SRD5A3: variants seen among roughly 807,000 people sequenced by gnomAD.
SRD5A3 encodes the protein steroid 5 alpha-reductase 3.
A neutral mutation model predicts 34.3 loss-of-function variants in SRD5A3; 24 were observed. That is an observed-to-expected ratio of 0.70 (90% CI 0.51 to 0.99). The LOEUF (loss-of-function observed/expected upper bound fraction) is 0.99, where lower values mean the gene tolerates loss of function less well. Among genes scored for constraint, SRD5A3 ranks in the 50% least tolerant of loss-of-function variants. The pLI, the probability that SRD5A3 is intolerant of heterozygous loss-of-function variation, is 0.00. For synonymous variants in SRD5A3, 161 were observed against 167.3 expected (o/e 0.96, Z 0.29); for missense variants, 350 against 388.2 (o/e 0.90, Z 0.83).
rs3034886 is a variant in SRD5A3 at position 55,370,431 on chromosome 4, TCACACACACA to T, written c.*373_*382del. On this transcript the variant is annotated 3_prime_UTR_variant, in exon 5 of 5. Coordinates refer to ENST00000264228, the MANE Select transcript of SRD5A3 (RefSeq NM_024592.5). ...AAAAACCGAAAATATACAAACAGCT[TCACACACACA>T]CACACACACACACACACACACACAC... 8.5e-3 allele frequency: 1,925 copies of T among 225,584 alleles called. 11 individuals are homozygous for T. The highest frequency in any genetic ancestry group is 0.013 in the Middle Eastern group (7 of 546). 14.0% of individuals were successfully genotyped at this position (225,584 alleles called of 1,614,324 possible). A position where few individuals can be genotyped will look rare whatever the true frequency, so the allele number is the denominator to read the frequency against.
intron 3 of SRD5A3, among the ~76,000 whole-genome samples, chr4:55,366,376 G>A (rs1426877860): frequency 6.6e-6 from 1 of 152,032 alleles, no homozygotes; most frequent in African/African-American, 2.4e-5. Context: ...ACAGGTTCTC[G>A]CTATGTTGGC....
chr4:55,352,480 G>A (rs1719234418), intron 1 of SRD5A3: 3 of 637,066 alleles, frequency 4.7e-6, no homozygotes, highest in Non-Finnish European at 8.7e-6. Context: ...TGCCGAAGGG[G>A]TCCATGATGG....
intron 3 of SRD5A3, 133 bp from the exon 4 acceptor site, chr4:55,367,455 A>G: frequency 9.4e-7 from 1 of 1,059,526 alleles, no homozygotes; most frequent in Non-Finnish European, 1.4e-6. Context: ...CCCTCTTTGT[A>G]CTTGGGAAAT....
At chr4:55,348,912 G>A (rs1354516005) in intron 1 of SRD5A3, among the ~76,000 whole-genome samples, 2 of 152,156 alleles carry the variant, frequency 1.3e-5, no homozygotes, top group Non-Finnish European at 2.9e-5. Context: ...AAGTGAGAAT[G>A]GATTTATCCC....
At chr4:55,368,338 C>A (rs1719982918) in intron 4 of SRD5A3, among the ~76,000 whole-genome samples, 1 of 149,784 alleles carries the variant, frequency 6.7e-6, no homozygotes, top group African/African-American at 2.5e-5. Context: ...GAGATCACGC[C>A]ACTGCGCTCC....
At chr4:55,347,371 G>T (rs1304745334) in intron 1 of SRD5A3, among the ~76,000 whole-genome samples, 1 of 152,232 alleles carries the variant, frequency 6.6e-6, no homozygotes, top group Non-Finnish European at 1.5e-5. Flanking sequence ...GCTCACGCCT[G>T]TAATCCCAGC....
At chr4:55,358,373 G>C (rs144395241) in intron 1 of SRD5A3, among the ~76,000 whole-genome samples, 1 of 151,818 alleles carries the variant, frequency 6.6e-6, no homozygotes, top group Non-Finnish European at 1.5e-5. Flanking sequence ...TCTATAAAAA[G>C]TTTAAGAATT....
chr4:55,350,517 A>ATCAT (rs1403576298), intron 1 of SRD5A3, among the ~76,000 whole-genome samples: 3 of 152,124 alleles, frequency 2.0e-5, no homozygotes, highest in African/African-American at 7.2e-5. Context: ...TTGACAGTTT[A>ATCAT]TCATTGTATA....
chr4:55,351,668 A>AT (rs1560365820), intron 1 of SRD5A3: 2 of 266,876 alleles, frequency 7.5e-6, no homozygotes, highest in Non-Finnish European at 1.5e-5. Context: ...AAAAAAAAAA[A>AT]GGGGTGAGCA....
intron 1 of SRD5A3, among the ~76,000 whole-genome samples, chr4:55,347,816 T>G (rs534525774): frequency 1.3e-5 from 2 of 152,186 alleles, no homozygotes; most frequent in East Asian, 3.9e-4. Context: ...GAGAACTAGG[T>G]CATTCTGAGG....
At position 55,372,437 on chromosome 4, in the gene SRD5A3, TC is replaced by T. The variant is rs1353269809; in HGVS notation, c.*2347del. ...TCCCTTTTCCTTCTTTGCCCAAACA[TC>T]ATATTTCTAGGCAAAGATAAGAGAG... On this transcript the variant is annotated 3_prime_UTR_variant, in exon 5 of 5. Transcript: ENST00000264228. 2 of 152,174 alleles carry T rather than the reference TC, an allele frequency of 1.3e-5. No individual in the cohort carries two copies. The highest frequency in any genetic ancestry group is 4.8e-5 in the African/African-American group (2 of 41,442). 9.4% of individuals were successfully genotyped at this position (152,174 alleles called of 1,614,324 possible). A position where few individuals can be genotyped will look rare whatever the true frequency, so the allele number is the denominator to read the frequency against.
chr4:55,361,482 CAAAAAAA>C (rs59113946), intron 2 of SRD5A3, among the ~76,000 whole-genome samples: 1 of 102,034 alleles, frequency 9.8e-6, no homozygotes, highest in Non-Finnish European at 2.0e-5. Flanking sequence ...GACTCCGTCT[CAAAAAAA>C]AAAAAAAAAA....
In SRD5A3 at chr4:55,370,044, G is replaced by C; in HGVS notation, c.910G>C (p.Val304Leu). The C allele has an allele frequency of 6.2e-7, 1 of 1,614,066 alleles. No individual in the cohort carries two copies. Reference sequence around the variant, plus strand: ...CCACCAATTCTACAAAAGCAAATTTGTCTCTTACCCGAAGCATAGGAAAGC... The same window carrying C: ...CCACCAATTCTACAAAAGCAAATTTCTCTCTTACCCGAAGCATAGGAAAGC... ...LSHQFYKSKF[V>L]SYPKHRKAFL... Residue 304 changes from valine (V) to leucine (L), a missense_variant, in exon 5 of 5, where the codon GTC (valine) becomes CTC (leucine). Physicochemically the swap from Val to Leu is conservative, Grantham distance 32. Around this residue, in one of 3 missense-constraint regions of SRD5A3, gnomAD observed 186 missense variants for 221.4 expected, o/e 0.84. Coordinates refer to ENST00000264228, the MANE Select transcript of SRD5A3 (RefSeq NM_024592.5).
intron 1 of SRD5A3, among the ~76,000 whole-genome samples, chr4:55,355,381 C>T (rs896100374): frequency 6.6e-6 from 1 of 151,690 alleles, no homozygotes; most frequent in African/African-American, 2.4e-5. Flanking sequence ...TGGCGTGAAC[C>T]CAGGAGGAAG....
chr4:55,346,637 G>C (rs925025342), intron 1 of SRD5A3, 80 bp downstream of exon 1: 10 of 1,347,806 alleles, frequency 7.4e-6, no homozygotes, highest in African/African-American at 6.1e-5. Flanking sequence ...CAGCCAGCAG[G>C]GGGCAGCAGA....
At position 55,371,688 on chromosome 4, in the gene SRD5A3, T is replaced by C. The variant is rs1720131483; in HGVS notation, c.*1597T>C. ...GTTTTTTTGAGATGGAGTCTCACTC[T>C]GTCGCCCAGACTGGAGTGCAGTGGT... On this transcript the variant is annotated 3_prime_UTR_variant, in exon 5 of 5. Transcript: ENST00000264228. 6.6e-6 allele frequency: 1 copy of C among 152,252 alleles called. No homozygotes were observed. Among genetic ancestry groups the C allele is most frequent in the African/African-American group, 2.4e-5 (1 of 41,448 alleles). The allele number at this position is 152,252 out of a possible 1,614,324, so 9.4% of individuals were successfully genotyped here.
At position 55,359,469 on chromosome 4, in the gene SRD5A3, C is replaced by T. The variant is rs562923214; in HGVS notation, c.345C>T (p.Leu115=). The change falls in exon 2 of 5, where the codon CTC becomes CTT. Residue 115 remains leucine (L), a synonymous_variant. Transcript: ENST00000264228. The part of the protein sequence containing the change: ...PSWLHGLLRI[L]GAAQFQGGEL... Reference sequence around the variant, plus strand: ...GGCTTCATGGTTTGCTCAGAATTCTCGGGGCGGCACAGTTCCAGGGTAAGG... The same window carrying T: ...GGCTTCATGGTTTGCTCAGAATTCTTGGGGCGGCACAGTTCCAGGGTAAGG... The T allele has an allele frequency of 1.1e-5, 18 of 1,614,022 alleles. No homozygotes were observed. The highest frequency in any genetic ancestry group is 2.7e-5 in the African/African-American group (2 of 75,004).
At chr4:55,359,538 C>G (rs766687719) in intron 2 of SRD5A3, 50 bp downstream of exon 2, 4 of 1,612,386 alleles carry the variant, frequency 2.5e-6, no homozygotes, top group Non-Finnish European at 2.5e-6. Flanking sequence ...TTCTGTTGTT[C>G]CTGTCTGCAA....
At chr4:55,356,684 T>TC (rs1719474170) in intron 1 of SRD5A3, among the ~76,000 whole-genome samples, 1 of 151,094 alleles carries the variant, frequency 6.6e-6, no homozygotes, top group South Asian at 2.1e-4. Context: ...ATTATGTTGC[T>TC]CAGGCTAGAG....
Sources: gnomAD v4.1 joint callset for allele counts (sites outside exome capture counted in the v4.1 genomes callset) on GRCh38, gnomAD v4.1.1 for gene constraint, gnomAD v4.1.1 regional missense constraint, MANE v1.5 for transcripts, NCBI Gene and HGNC (gene_info 2026-07-23, HGNC 2026-07-21) for gene names.